Variants in CMC1 observed in about 807,000 individuals in gnomAD.
CMC1 encodes C-X9-C motif containing 1, also known as COX assembly mitochondrial protein homolog.
In CMC1, 14 loss-of-function variants were observed where a neutral mutation model predicts 14.1. The ratio of observed to expected loss-of-function variants is 0.99; its 90% confidence interval spans 0.66 to 1.55. CMC1 has a LOEUF of 1.55. Ranked by LOEUF, CMC1 falls within the 40% of genes most tolerant of loss-of-function variation. The pLI is 0.00. For missense variants in CMC1, 127 were observed against 123.8 expected (o/e 1.03, Z -0.12); for synonymous variants, 50 against 38.4 (o/e 1.30, Z -1.12).
intron 2 of CMC1, among the ~76,000 whole-genome samples, chr3:28,302,100 G>T (rs578032887): frequency 5.2e-4 from 79 of 152,310 alleles, no homozygotes; most frequent in Middle Eastern, 3.4e-3. Context: ...CCTGTCCAGG[G>T]CCCTCGATAA....
Position 28,316,371 on chromosome 3 carries a change from G to T in CMC1, c.148G>T (p.Val50Leu). The change falls in exon 3 of 4, where the codon GTA becomes TTA. Residue 50 changes from valine (V) to leucine (L), a missense_variant. By Grantham distance (32) the Val-to-Leu change is conservative (BLOSUM62 1). Transcript: ENST00000466830. ...TTGCAAGAACTCTGGAGTTCTTATG[G>T]TAGTAAAATGCCGGAAAGAAAATTC... The part of the protein sequence containing the change: ...KCCKNSGVLM[V>L]VKCRKENSAL... The T allele has an allele frequency of 6.3e-7, 1 of 1,594,866 alleles. No individual in the cohort carries two copies. Among genetic ancestry groups the T allele is most frequent in the South Asian group, 1.1e-5 (1 of 87,198 alleles).
At position 28,324,500 on chromosome 3, in the gene CMC1, G is replaced by T; in HGVS notation, c.*4871G>T. ...AAATGTCAGTTTTCATTACATTTGT[G>T]ATCATAAAATTCGATAACACTTCAC... On this transcript the variant is annotated 3_prime_UTR_variant, in exon 4 of 4. Transcript: ENST00000466830. 2 of 1,393,848 alleles carry T rather than the reference G, an allele frequency of 1.4e-6. No homozygotes were observed. The highest frequency in any genetic ancestry group is 2.1e-5 in the South Asian group (1 of 48,164). The allele number at this position is 1,393,848 out of a possible 1,614,324, so 86.3% of individuals were successfully genotyped here.
chr3:28,282,614 T>C (rs1401621145), intron 2 of CMC1, among the ~76,000 whole-genome samples: 2 of 152,228 alleles, frequency 1.3e-5, no homozygotes, highest in African/African-American at 4.8e-5. Flanking sequence ...TTTAATTTAA[T>C]GGCTACTGAC....
At chr3:28,270,571 T>C (rs1331490594) in intron 2 of CMC1, among the ~76,000 whole-genome samples, 2 of 152,190 alleles carry the variant, frequency 1.3e-5, no homozygotes, top group South Asian at 2.1e-4. Context: ...TGTCTGTTCA[T>C]GCCCTTTGCC....
chr3:28,298,855 G>T (rs772791923), intron 2 of CMC1, among the ~76,000 whole-genome samples: 1 of 151,968 alleles, frequency 6.6e-6, no homozygotes, highest in African/African-American at 2.4e-5. Context: ...GGGAAAGTCT[G>T]TAGAAATAAT....
chr3:28,243,650 C>T (rs972954161), intron 1 of CMC1, among the ~76,000 whole-genome samples: 2 of 152,160 alleles, frequency 1.3e-5, no homozygotes, highest in Admixed American at 6.5e-5. Context: ...GACCATGCCA[C>T]CTTTTGAGTA....
chr3:28,302,832 C>T lies in CMC1; in HGVS notation c.110-13501C>T, dbSNP rs1702122678. Among the ~76,000 whole-genome samples the T allele has an allele frequency of 6.6e-5, 10 of 152,112 alleles. No individual in the cohort carries two copies. The South Asian group carries it at 1.9e-3, about 28-fold the overall frequency. On this transcript the variant is annotated intron_variant, in intron 2 of 3. Transcript: ENST00000466830. ...CCATTGCCACTTGCTTCCCAGGTCTCATTTGTGACCTCATGTGTGAGATAC... is the reference window on the plus strand; with the variant it reads ...CCATTGCCACTTGCTTCCCAGGTCTTATTTGTGACCTCATGTGTGAGATAC...
chr3:28,265,139 C>T (rs1677299860), intron 2 of CMC1, among the ~76,000 whole-genome samples: 1 of 151,994 alleles, frequency 6.6e-6, no homozygotes, highest in Admixed American at 6.6e-5. Flanking sequence ...CTTACGGTTT[C>T]TGAAGACTGA....
intron 1 of CMC1, among the ~76,000 whole-genome samples, chr3:28,248,212 C>T (rs1266945734): frequency 1.3e-5 from 2 of 152,122 alleles, no homozygotes; most frequent in Non-Finnish European, 2.9e-5. Context: ...TGGGAATGTT[C>T]TACCTGTGTA....
chr3:28,324,352 G>C lies in CMC1; in HGVS notation c.*4723G>C. On this transcript the variant is annotated 3_prime_UTR_variant, in exon 4 of 4. Transcript: ENST00000466830. Reference sequence around the variant, plus strand: ...GGTATGACAAAGAGCTTTGCCATTTGGTAAGAGAGGGGGATGTCTTGTGTA... The same window carrying C: ...GGTATGACAAAGAGCTTTGCCATTTCGTAAGAGAGGGGGATGTCTTGTGTA... The C allele has an allele frequency of 6.3e-7, 1 of 1,596,962 alleles. No individual in the cohort carries two copies. The highest frequency in any genetic ancestry group is 8.5e-7 in the Non-Finnish European group (1 of 1,170,828).
intron 2 of CMC1, among the ~76,000 whole-genome samples, chr3:28,308,016 G>T (rs1702422158): frequency 6.6e-6 from 1 of 152,032 alleles, no homozygotes; most frequent in Non-Finnish European, 1.5e-5. Flanking sequence ...CTTTTCTCCT[G>T]TTCTCTTCCG....
intron 3 of CMC1, chr3:28,317,450 C>T (rs1330929283): frequency 6.6e-6 from 1 of 151,908 alleles, no homozygotes; most frequent in East Asian, 1.9e-4. Context: ...AATATTCTTT[C>T]AGTTCTATTC....
intron 2 of CMC1, among the ~76,000 whole-genome samples, chr3:28,274,643 T>C (rs560118896): frequency 2.0e-5 from 3 of 152,294 alleles, no homozygotes; most frequent in East Asian, 3.9e-4. Flanking sequence ...ATTTCCCTAA[T>C]TTGAATGTTG....
intron 1 of CMC1, among the ~76,000 whole-genome samples, chr3:28,255,722 TACACACACACACACAC>T (rs372487968): frequency 6.9e-5 from 10 of 144,268 alleles, no homozygotes; most frequent in African/African-American, 1.8e-4. Context: ...TACATGTACA[TACACACACACACACAC>T]ACACACACAC....
intron 1 of CMC1, among the ~76,000 whole-genome samples, chr3:28,247,515 G>A (rs1163014720): frequency 6.6e-6 from 1 of 152,156 alleles, no homozygotes; most frequent in Non-Finnish European, 1.5e-5. Flanking sequence ...GTAGTTGGGA[G>A]AGGGACAGCA....
chr3:28,287,902 T>C (rs1701271952), intron 2 of CMC1, among the ~76,000 whole-genome samples: 1 of 152,026 alleles, frequency 6.6e-6, no homozygotes, highest in Non-Finnish European at 1.5e-5. Context: ...GGCTATAATA[T>C]AGCTCTGTGC....
intron 2 of CMC1, chr3:28,297,138 A>G (rs1462282539): frequency 4.6e-5 from 7 of 152,092 alleles, no homozygotes; most frequent in Non-Finnish European, 8.8e-5. Context: ...CAGACAAACT[A>G]TTTGATAGCT....
intron 1 of CMC1, among the ~76,000 whole-genome samples, chr3:28,245,374 AT>A (rs1698769441): frequency 2.0e-5 from 3 of 152,178 alleles, no homozygotes; most frequent in Non-Finnish European, 4.4e-5. Context: ...TTCTCAGATG[AT>A]GGCCCATAGG....
chr3:28,241,865 C>G, intron 1 of CMC1, 53 bp downstream of exon 1: 2 of 1,234,350 alleles, frequency 1.6e-6, no homozygotes, highest in Non-Finnish European at 2.0e-6. Context: ...GGGTCTCACG[C>G]CGCGGGCCAT....
Sources: gnomAD v4.1 joint callset for allele counts (sites outside exome capture counted in the v4.1 genomes callset) on GRCh38, gnomAD v4.1.1 for gene constraint, MANE v1.5 for transcripts, NCBI Gene and HGNC (gene_info 2026-07-23, HGNC 2026-07-21) for gene names.